The following NXPE3 variants were observed in gnomAD, a reference collection of about 807,000 sequenced individuals.
NXPE3 encodes the protein neurexophilin and PC-esterase domain family member 3, also known as NXPE family member 3.
NXPE3 carries 26 observed loss-of-function variants against 46.1 expected under a neutral mutation model. That is an observed-to-expected ratio of 0.56 (90% confidence interval 0.41 to 0.78). The LOEUF (loss-of-function observed/expected upper bound fraction) is 0.78, where lower values mean the gene tolerates loss of function less well. Ranked by LOEUF, NXPE3 falls within the 30% of genes least tolerant of loss-of-function variation. The pLI is 0.00. For missense variants in NXPE3, 620 were observed against 686.0 expected (o/e 0.90, Z 1.07); for synonymous variants, 272 against 257.9 (o/e 1.05, Z -0.52).
intron 7 of NXPE3, among the ~76,000 whole-genome samples, chr3:101,819,319 G>A (rs1175695177): frequency 6.6e-6 from 1 of 152,192 alleles, no homozygotes; most frequent in Non-Finnish European, 1.5e-5. Context: ...GAATTATACA[G>A]AGTTTTTTAG....
At chr3:101,806,348 C>T (rs1052086264) in intron 5 of NXPE3, among the ~76,000 whole-genome samples, 1 of 152,046 alleles carries the variant, frequency 6.6e-6, no homozygotes, top group African/African-American at 2.4e-5. Context: ...ATTTCGAGTG[C>T]TTTTCTCCTT....
intron 5 of NXPE3, among the ~76,000 whole-genome samples, chr3:101,802,267 A>G (rs774327722): frequency 2.0e-5 from 3 of 152,194 alleles, no homozygotes; most frequent in African/African-American, 7.2e-5. Flanking sequence ...TTAGAACCAC[A>G]TAGCATGTTT....
chr3:101,785,566 C>T lies in NXPE3; in HGVS notation c.-31C>T, dbSNP rs756733199. ...TTAAAGAGTGAAGGTAGCATGGTGT[C>T]GGCCATGGGTGAACAAGACACAGCC... On this transcript the variant is annotated 5_prime_UTR_variant, in exon 4 of 8. Transcript: ENST00000273347. 3.0e-5 allele frequency: 48 copies of T among 1,578,908 alleles called. No homozygotes were observed. The highest frequency in any genetic ancestry group is 1.7e-4 in the Middle Eastern group (1 of 6,026).
intron 7 of NXPE3, among the ~76,000 whole-genome samples, chr3:101,818,711 C>A (rs1942074828): frequency 1.9e-5 from 1 of 52,180 alleles, no homozygotes; most frequent in Admixed American, 3.0e-4. Context: ...GAATATATGA[C>A]AATTTATATA....
Position 101,800,233 on chromosome 3 carries a change from C to G in NXPE3, c.94-1002C>G, listed in dbSNP as rs935461070. On this transcript the variant is annotated intron_variant, in intron 4 of 7. Transcript: ENST00000273347. ...CTCTAAGCACTTCTCTTGCTTCATTCTATAGTGTTTAATGAATTATATTTT... is the reference window on the plus strand; with the variant it reads ...CTCTAAGCACTTCTCTTGCTTCATTGTATAGTGTTTAATGAATTATATTTT... 2.6e-5 allele frequency among the ~76,000 whole-genome samples: 4 copies of G among 152,014 alleles called. No individual in the cohort carries two copies. In the East Asian group the frequency reaches 7.7e-4, roughly 29 times the overall value.
At chr3:101,814,052 T>A (rs1366392245) in intron 6 of NXPE3, among the ~76,000 whole-genome samples, 2 of 152,276 alleles carry the variant, frequency 1.3e-5, no homozygotes, top group Admixed American at 1.3e-4. Flanking sequence ...ATAATTAACA[T>A]TTGAATGGAA....
At position 101,821,566 on chromosome 3, in the gene NXPE3, G is replaced by A. The variant is rs761784698; in HGVS notation, c.1292G>A (p.Gly431Asp). 6.2e-7 allele frequency: 1 copy of A among 1,614,186 alleles called. No homozygotes were observed. Among genetic ancestry groups the A allele is most frequent in the East Asian group, 2.2e-5 (1 of 44,874 alleles). The change falls in exon 8 of 8, where the codon GGC (glycine) becomes GAC (aspartate). Residue 431 changes from glycine (G) to aspartate (D), a missense_variant. Physicochemically the swap from Gly to Asp is moderately conservative, Grantham distance 94. Coordinates refer to ENST00000273347, the MANE Select transcript of NXPE3 (RefSeq NM_145037.4). ...ELHYVANELN[G>D]IVGGKNTVVA... ...CATTATGTGGCGAATGAGCTGAATG[G>A]CATTGTGGGAGGGAAGAACACAGTG...
intron 4 of NXPE3, among the ~76,000 whole-genome samples, chr3:101,794,057 GT>G (rs964554898): frequency 2.5e-4 from 37 of 149,898 alleles, no homozygotes; most frequent in African/African-American, 6.6e-4. Context: ...GCATCACTGT[GT>G]TTTATTGTCT....
At chr3:101,818,648 A>G (rs909564023) in intron 7 of NXPE3, among the ~76,000 whole-genome samples, 1 of 148,304 alleles carries the variant, frequency 6.7e-6, no homozygotes, top group African/African-American at 2.5e-5. Context: ...AAAATCTAGA[A>G]GAGAAACCTG....
intron 6 of NXPE3, among the ~76,000 whole-genome samples, chr3:101,809,819 C>A (rs1297484365): frequency 1.3e-5 from 2 of 152,174 alleles, no homozygotes; most frequent in East Asian, 3.8e-4. Flanking sequence ...TGTGTGCTGT[C>A]ATCCTTTTGT....
chr3:101,796,996 C>T (rs981261949), intron 4 of NXPE3, among the ~76,000 whole-genome samples: 4 of 152,080 alleles, frequency 2.6e-5, no homozygotes, highest in African/African-American at 7.2e-5. Context: ...AATTGCATAA[C>T]GTAAGATGTA....
intron 4 of NXPE3, among the ~76,000 whole-genome samples, chr3:101,787,913 C>T (rs531568734): frequency 1.2e-4 from 18 of 152,140 alleles, no homozygotes; most frequent in South Asian, 2.1e-4. Context: ...AATAGGTACC[C>T]GCAAATGGAA....
At chr3:101,804,805 G>A (rs1459370870) in intron 5 of NXPE3, among the ~76,000 whole-genome samples, 2 of 152,188 alleles carry the variant, frequency 1.3e-5, no homozygotes, top group East Asian at 3.8e-4. Context: ...GGGAATAAAA[G>A]TGTTACTTTT....
chr3:101,815,736 C>T (rs966723826), intron 6 of NXPE3, among the ~76,000 whole-genome samples: 2 of 152,116 alleles, frequency 1.3e-5, no homozygotes, highest in South Asian at 4.1e-4. Context: ...TGGTGGCTCA[C>T]GCCTGTAATC....
chr3:101,823,525 A>C lies in NXPE3; in HGVS notation c.*1571A>C, dbSNP rs1942349885. On this transcript the variant is annotated 3_prime_UTR_variant, in exon 8 of 8. Transcript: ENST00000273347. ...TGTGGTAGCTCAAGCCTGTAATCCC[A>C]GCACTTTGGGAGGCCAGGCAGGAGG... 6.6e-6 allele frequency: 1 copy of C among 152,494 alleles called. No homozygotes were observed. Among genetic ancestry groups the C allele is most frequent in the Non-Finnish European group, 1.5e-5 (1 of 68,316 alleles). 9.4% of individuals were successfully genotyped at this position (152,494 alleles called of 1,614,324 possible). A position where few individuals can be genotyped will look rare whatever the true frequency, so the allele number is the denominator to read the frequency against.
intron 3 of NXPE3, 99 bp from the exon 4 acceptor site, chr3:101,785,303 C>G (rs1940090184): frequency 3.8e-6 from 1 of 263,710 alleles, no homozygotes; most frequent in Non-Finnish European, 7.5e-6. Flanking sequence ...GACTTTGGGC[C>G]TTAGATAAGG....
intron 6 of NXPE3, among the ~76,000 whole-genome samples, chr3:101,811,703 G>T (rs934689096): frequency 1.6e-4 from 24 of 148,468 alleles, no homozygotes; most frequent in Non-Finnish European, 3.6e-4. Flanking sequence ...ATGTCTTGAT[G>T]CTTTGGTTTG....
chr3:101,803,321 A>G (rs2107303529), intron 5 of NXPE3, among the ~76,000 whole-genome samples: 1 of 152,286 alleles, frequency 6.6e-6, no homozygotes, highest in South Asian at 2.1e-4. Context: ...ATACCAGATT[A>G]TGTACATATG....
chr3:101,821,668 G>A lies in NXPE3; in HGVS notation c.1394G>A (p.Arg465Gln), dbSNP rs150669329. The change falls in exon 8 of 8, where the codon CGA becomes CAA. Residue 465 changes from arginine (R) to glutamine (Q), a missense_variant. Transcript: ENST00000273347. ...VYIRRLRNIR[R>Q]AVVRLLDRSP... ...ATCCGGCGGCTCAGGAACATCCGTC[G>A]AGCAGTGGTTCGGCTCCTCGATCGA... The A allele has an allele frequency of 1.6e-5, 26 of 1,614,044 alleles. No homozygotes were observed. The highest frequency in any genetic ancestry group is 1.2e-4 in the African/African-American group (9 of 74,902).
Sources: allele counts gnomAD v4.1 joint callset (sites outside exome capture counted in the v4.1 genomes callset), GRCh38; gene constraint gnomAD v4.1.1; transcripts MANE v1.5; gene names NCBI Gene and HGNC (gene_info 2026-07-23, HGNC 2026-07-21).